The following PLCG2 variants were observed in gnomAD, a reference collection of about 807,000 sequenced individuals.
PLCG2 encodes the protein 1-phosphatidylinositol 4,5-bisphosphate phosphodiesterase gamma-2.
Under a neutral mutation model 175.6 loss-of-function variants are expected in PLCG2, and 69 were observed. That is an observed-to-expected ratio of 0.39 (90% CI 0.32 to 0.48). The LOEUF is 0.48. Ranked by LOEUF, PLCG2 falls within the 20% of genes least tolerant of loss-of-function variation. The pLI is 0.91. For synonymous variants in PLCG2, 827 were observed against 624.0 expected (o/e 1.33, Z -4.85); for missense variants, 1,798 against 1,650.9 (o/e 1.09, Z -1.54).
chr16:81,813,930 A>G (rs894862048), intron 2 of PLCG2, among the ~76,000 whole-genome samples: 7 of 152,238 alleles, frequency 4.6e-5, no homozygotes, highest in African/African-American at 1.7e-4. Context: ...AGGGAAATAG[A>G]TTCTACCTGT....
At chr16:81,902,670 G>A (rs558386617) in intron 14 of PLCG2, among the ~76,000 whole-genome samples, 32 of 151,810 alleles carry the variant, frequency 2.1e-4, no homozygotes, top group Admixed American at 8.5e-4. Flanking sequence ...CCTCATTCCC[G>A]TTCATGAGGA....
chr16:81,831,425 GCA>G (rs1408289732), intron 2 of PLCG2, among the ~76,000 whole-genome samples: 2 of 152,202 alleles, frequency 1.3e-5, no homozygotes, highest in African/African-American at 2.4e-5. Flanking sequence ...GCCAGGCACT[GCA>G]CTAAGCACTT....
At chr16:81,840,617 G>C (rs558289158) in intron 2 of PLCG2, among the ~76,000 whole-genome samples, 1 of 152,280 alleles carries the variant, frequency 6.6e-6, no homozygotes, top group Admixed American at 6.5e-5. Flanking sequence ...CACATGTGCA[G>C]TTCTCAATAA....
At chr16:81,791,678 C>T (rs1197445468) in intron 2 of PLCG2, among the ~76,000 whole-genome samples, 2 of 152,224 alleles carry the variant, frequency 1.3e-5, no homozygotes, top group African/African-American at 4.8e-5. Context: ...TATTCTCCCA[C>T]CTCAGCCCCC....
At position 81,940,014 on chromosome 16, in the gene PLCG2, A is replaced by G; in HGVS notation, c.3436A>G (p.Asn1146Asp). 1 of 1,614,118 alleles carries G rather than the reference A, an allele frequency of 6.2e-7. No homozygotes were observed. Among genetic ancestry groups the G allele is most frequent in the Non-Finnish European group, 8.5e-7 (1 of 1,179,946 alleles). The change falls in exon 30 of 33, where the codon AAC becomes GAC. Residue 1146 changes from asparagine to aspartate, a missense_variant. Coordinates refer to ENST00000564138, the MANE Select transcript of PLCG2 (RefSeq NM_002661.5). Reference protein sequence around the residue: ...VYEEDMFSDPNFLAHATYPIK... With the variant: ...VYEEDMFSDPDFLAHATYPIK... Reference sequence around the variant, plus strand: ...TGAAGAAGATATGTTCAGCGATCCCAACTTTCTTGCTCATGCCACTTACCC... The same window carrying G: ...TGAAGAAGATATGTTCAGCGATCCCGACTTTCTTGCTCATGCCACTTACCC...
intron 2 of PLCG2, among the ~76,000 whole-genome samples, chr16:81,768,693 G>T (rs558944706): frequency 9.9e-5 from 15 of 151,210 alleles, no homozygotes; most frequent in Non-Finnish European, 1.8e-4. Context: ...AGCCTTCCGA[G>T]TAGCTGGGAT....
At chr16:81,828,165 A>G (rs893846632) in intron 2 of PLCG2, among the ~76,000 whole-genome samples, 5 of 145,776 alleles carry the variant, frequency 3.4e-5, no homozygotes, top group African/African-American at 1.3e-4. Flanking sequence ...CTGACAAAAC[A>G]CTCCTGTACC....
intron 2 of PLCG2, among the ~76,000 whole-genome samples, chr16:81,806,632 G>A (rs1904282493): frequency 1.3e-5 from 2 of 152,082 alleles, no homozygotes; most frequent in Non-Finnish European, 2.9e-5. Context: ...TTCGTGTCTT[G>A]TAAGTTGTAA....
At chr16:81,882,585 C>G (rs1170905861) in intron 8 of PLCG2, among the ~76,000 whole-genome samples, 1 of 152,124 alleles carries the variant, frequency 6.6e-6, no homozygotes, top group African/African-American at 2.4e-5. Context: ...CCTGTGTTCC[C>G]CACACCTTTT....
chr16:81,869,065 A>G (rs1481974655), intron 5 of PLCG2, 149 bp from the exon 6 acceptor site: 6 of 674,150 alleles, frequency 8.9e-6, no homozygotes, highest in African/African-American at 1.8e-5. Flanking sequence ...CCTTGACTCA[A>G]TGTCTTGTTC....
At chr16:81,842,216 C>A (rs1905871785) in intron 2 of PLCG2, among the ~76,000 whole-genome samples, 1 of 152,174 alleles carries the variant, frequency 6.6e-6, no homozygotes, top group East Asian at 1.9e-4. Flanking sequence ...CCTCTTCTTC[C>A]CAGGTGAGCT....
At chr16:81,875,888 G>A (rs1228627963) in intron 7 of PLCG2, among the ~76,000 whole-genome samples, 7 of 152,066 alleles carry the variant, frequency 4.6e-5, no homozygotes, top group East Asian at 1.9e-4. Context: ...AGTGATGAGC[G>A]TTCTGTGACG....
intron 16 of PLCG2, 146 bp downstream of exon 16, chr16:81,907,920 C>T (rs1909449169): frequency 1.7e-6 from 1 of 603,248 alleles, no homozygotes; most frequent in Non-Finnish European, 2.9e-6. Flanking sequence ...CTCTGGGTAC[C>T]ATGTCCTGGC....
In PLCG2 at chr16:81,850,352, GAAAC is replaced by G. The variant is rs762147061; in HGVS notation, c.194-4080_194-4077del. Among the ~76,000 whole-genome samples, 21 of 152,240 alleles carry G rather than the reference GAAAC, an allele frequency of 1.4e-4. 1 individual carries two copies. In the South Asian group the frequency reaches 2.1e-3, roughly 15 times the overall value. Reference sequence around the variant, plus strand: ...GTACTCAAGCTTCCCCCAGATAAATGAAACAAACAAACAAAAAAGTTTCAGTGCA... The same window carrying G: ...GTACTCAAGCTTCCCCCAGATAAATGAAACAAACAAAAAAGTTTCAGTGCA... On this transcript the variant is annotated intron_variant, in intron 2 of 32. Coordinates refer to ENST00000564138, the MANE Select transcript of PLCG2 (RefSeq NM_002661.5).
intron 31 of PLCG2, among the ~76,000 whole-genome samples, chr16:81,952,195 C>G (rs1911393106): frequency 6.6e-6 from 1 of 151,692 alleles, no homozygotes; most frequent in South Asian, 2.1e-4. Flanking sequence ...AAATTTATAC[C>G]AACCCTTCCA....
chr16:81,896,035 C>T (rs1908870871), intron 13 of PLCG2, 108 bp downstream of exon 13: 15 of 1,378,414 alleles, frequency 1.1e-5, no homozygotes, highest in African/African-American at 1.4e-5. Context: ...CCTCCAAATG[C>T]GGGAAGGCCT....
chr16:81,754,700 G>C (rs1476298406), intron 1 of PLCG2, among the ~76,000 whole-genome samples: 1 of 151,360 alleles, frequency 6.6e-6, no homozygotes, highest in Non-Finnish European at 1.5e-5. Context: ...TGTCTCCCTA[G>C]CAATGTCAAA....
intron 3 of PLCG2, among the ~76,000 whole-genome samples, chr16:81,855,696 G>A (rs1195781967): frequency 6.6e-6 from 1 of 152,192 alleles, no homozygotes; most frequent in Non-Finnish European, 1.5e-5. Context: ...TGCTGTGAAT[G>A]TTTAATTCCA....
chr16:81,909,673 T>C (rs948047884), intron 17 of PLCG2, among the ~76,000 whole-genome samples: 3 of 152,168 alleles, frequency 2.0e-5, no homozygotes, highest in Admixed American at 6.5e-5. Context: ...TTCGGCCTCC[T>C]GAAGTGCTAG....
Sources: allele counts gnomAD v4.1 joint callset (sites outside exome capture counted in the v4.1 genomes callset), GRCh38; gene constraint gnomAD v4.1.1; transcripts MANE v1.5; gene names NCBI Gene and HGNC (gene_info 2026-07-23, HGNC 2026-07-21).